Variants in RASGEF1A observed in about 807,000 individuals in gnomAD.
RASGEF1A encodes the protein RasGEF domain family member 1A, also known as ras-GEF domain-containing family member 1A.
A neutral mutation model predicts 56.4 loss-of-function variants in RASGEF1A; 18 were observed. The observed-to-expected ratio is 0.32, with a 90% confidence interval of 0.22 to 0.47. The LOEUF (loss-of-function observed/expected upper bound fraction) is 0.47, where lower values mean the gene tolerates loss of function less well. Among genes scored for constraint, RASGEF1A ranks in the 20% least tolerant of loss-of-function variants. The pLI, the probability that RASGEF1A is intolerant of heterozygous loss-of-function variation, is 1.00. For synonymous variants in RASGEF1A, 245 were observed against 242.6 expected (o/e 1.01, Z -0.09); for missense variants, 422 against 627.1 (o/e 0.67, Z 3.49).
chr10:43,227,178 G>C (rs569475104), intron 1 of RASGEF1A, among the ~76,000 whole-genome samples: 42 of 152,176 alleles, frequency 2.8e-4, no homozygotes, highest in Non-Finnish European at 4.4e-4. Context: ...CGAGGTCCAA[G>C]AGCCCAAAGG....
intron 1 of RASGEF1A, chr10:43,207,311 G>A: frequency 1.0e-6 from 1 of 985,458 alleles, no homozygotes; most frequent in Non-Finnish European, 1.2e-6. Flanking sequence ...TTACTTCAGT[G>A]CCATGACAGG....
At chr10:43,197,155 G>T in intron 10 of RASGEF1A, 56 bp from the exon 11 acceptor site, 1 of 1,591,210 alleles carries the variant, frequency 6.3e-7, no homozygotes, top group Non-Finnish European at 8.6e-7. Flanking sequence ...CCAAACCCTC[G>T]GTCAGGGCAG....
intron 2 of RASGEF1A, 89 bp downstream of exon 2, chr10:43,205,830 A>G: frequency 9.0e-7 from 1 of 1,106,928 alleles, no homozygotes; most frequent in Non-Finnish European, 1.3e-6. Context: ...CAGCTCTACC[A>G]CTCTGTGGGG....
intron 1 of RASGEF1A, among the ~76,000 whole-genome samples, chr10:43,211,518 C>A (rs531243206): frequency 6.6e-6 from 1 of 152,322 alleles, no homozygotes; most frequent in East Asian, 1.9e-4. Flanking sequence ...AGGCACAGGG[C>A]TCTCCCCAGG....
chr10:43,260,743 G>A (rs1836513579), intron 1 of RASGEF1A, among the ~76,000 whole-genome samples: 1 of 152,298 alleles, frequency 6.6e-6, no homozygotes, highest in South Asian at 2.1e-4. Context: ...CCAGACGTCA[G>A]CAGGCAGCAG....
rs566062941 is a variant in RASGEF1A at position 43,242,125 on chromosome 10, G to A, written c.-7+24720C>T. ...TGCACTCCAGCCTAGACGACAGAAC[G>A]AGACTCCATCTCAAAAAAATAAATA... On this transcript the variant is annotated intron_variant, in intron 1 of 12. Coordinates refer to ENST00000395810, the MANE Select transcript of RASGEF1A (RefSeq NM_145313.4). Among the ~76,000 whole-genome samples, 18 of 152,152 alleles carry A rather than the reference G, an allele frequency of 1.2e-4. No homozygotes were observed. In the East Asian group the frequency reaches 2.9e-3, roughly 24 times the overall value.
In RASGEF1A at chr10:43,203,358, C is replaced by T. The variant is rs1407477720; in HGVS notation, c.261G>A (p.Leu87=). Residue 87 remains leucine (L), a synonymous_variant, in exon 3 of 13, where the codon CTG becomes CTA. Transcript: ENST00000395810. ...SRVFMPPHDL[L]ARVGQICVEQ... Reference sequence around the variant, plus strand: ...CCACGCAGATCTGCCCCACGCGGGCCAGCAGGTCATGAGGGGGCATAAAGA... The same window carrying T: ...CCACGCAGATCTGCCCCACGCGGGCTAGCAGGTCATGAGGGGGCATAAAGA... 1 of 1,587,174 alleles carries T rather than the reference C, an allele frequency of 6.3e-7. No individual in the cohort carries two copies. The highest frequency in any genetic ancestry group is 8.6e-7 in the Non-Finnish European group (1 of 1,167,072).
chr10:43,255,748 G>A (rs936560210), intron 1 of RASGEF1A, among the ~76,000 whole-genome samples: 5 of 152,242 alleles, frequency 3.3e-5, no homozygotes, highest in Non-Finnish European at 7.3e-5. Flanking sequence ...CCAGGGCTGG[G>A]GGTGCTGGGG....
chr10:43,206,190 G>A (rs1409764579), intron 1 of RASGEF1A, 68 bp from the exon 2 acceptor site: 1 of 1,348,292 alleles, frequency 7.4e-7, no homozygotes, highest in African/African-American at 1.5e-5. Flanking sequence ...CCTCCTCCCA[G>A]GCAGCCTGCA....
At chr10:43,231,012 C>T (rs1007671093) in intron 1 of RASGEF1A, among the ~76,000 whole-genome samples, 5 of 152,230 alleles carry the variant, frequency 3.3e-5, no homozygotes, top group Non-Finnish European at 5.9e-5. Context: ...GGCCTGGAAC[C>T]GCTTCCCACT....
Position 43,199,045 on chromosome 10 carries a change from G to C in RASGEF1A, c.953-33C>G, listed in dbSNP as rs370813665. On this transcript the variant is annotated intron_variant, in intron 8 of 12. Coordinates refer to ENST00000395810, the MANE Select transcript of RASGEF1A (RefSeq NM_145313.4). ...GGACAGCAGGTAGGGTCAGGGCCGG[G>C]GGGGTGGGCCATGCAGCAGCCCCAC... 2.0e-5 allele frequency: 32 copies of C among 1,600,772 alleles called. No homozygotes were observed. In the African/African-American group the frequency reaches 2.4e-4, roughly 12 times the overall value.
intron 2 of RASGEF1A, 187 bp from the exon 3 acceptor site, chr10:43,203,607 C>T: frequency 8.1e-7 from 1 of 1,235,138 alleles, no homozygotes; most frequent in East Asian, 3.3e-5. Context: ...CCCGGCCCTG[C>T]CTACCTAGGA....
At position 43,210,314 on chromosome 10, in the gene RASGEF1A, TC is replaced by T. The variant is rs1168984423; in HGVS notation, c.-6-4193del. Among the ~76,000 whole-genome samples the T allele has an allele frequency of 2.7e-5, 3 of 110,670 alleles. No individual in the cohort carries two copies. The East Asian group carries it at 1.2e-3, about 45-fold the overall frequency. 72.6% of individuals were successfully genotyped at this position (110,670 alleles called of 152,430 possible). ...TAGAGACCCCTGTCTCTACTAACAT[TC>T]AAAAAAAAATTAGCCAGGTGTGGTG... is the stretch of plus-strand genomic sequence containing the variant. On this transcript the variant is annotated intron_variant, in intron 1 of 12. Coordinates refer to ENST00000395810, the MANE Select transcript of RASGEF1A (RefSeq NM_145313.4).
At chr10:43,265,008 G>T (rs1026238940) in intron 1 of RASGEF1A, among the ~76,000 whole-genome samples, 7 of 152,164 alleles carry the variant, frequency 4.6e-5, no homozygotes, top group African/African-American at 1.2e-4. Flanking sequence ...GTGCTCAGGG[G>T]CTCCTGGCCA....
At chr10:43,259,690 G>A (rs759161184) in intron 1 of RASGEF1A, among the ~76,000 whole-genome samples, 11 of 152,184 alleles carry the variant, frequency 7.2e-5, no homozygotes, top group Non-Finnish European at 1.5e-4. Context: ...AGATGAGAGG[G>A]CACAGAACAA....
In RASGEF1A at chr10:43,206,072, G is replaced by C; in HGVS notation, c.45C>G (p.Ser15Arg). The change falls in exon 2 of 13, where the codon AGC becomes AGG. Residue 15 changes from serine (S) to arginine (R), a missense_variant. Physicochemically the swap from Ser to Arg is moderately radical, Grantham distance 110. Around this residue, in one of 2 missense-constraint regions of RASGEF1A, gnomAD observed 273 missense variants for 339.9 expected, o/e 0.80. Coordinates refer to ENST00000395810, the MANE Select transcript of RASGEF1A (RefSeq NM_145313.4). ...SVVFSSILGP[S>R]CSGQVQPGMG... The stretch of plus-strand genomic sequence containing the variant: ...TGCCAGGCTGCACCTGTCCGCTACA[G>C]CTGGGCCCAAGGATGCTGGAGAAGA... 6.2e-7 allele frequency: 1 copy of C among 1,604,888 alleles called. No individual in the cohort carries two copies. The highest frequency in any genetic ancestry group is 8.5e-7 in the Non-Finnish European group (1 of 1,176,182).
At chr10:43,202,779 G>T in intron 3 of RASGEF1A, 1 of 458,642 alleles carries the variant, frequency 2.2e-6, no homozygotes. Context: ...CCCTAACCCG[G>T]ACCCAACCCA....
rs116023334 is a variant in RASGEF1A at position 43,210,369 on chromosome 10, G to A, written c.-6-4247C>T. ...CAGGCCTGTGGTTCCAGCTACTTGG[G>A]GAGCTGAGGCAGGAGGATCACTTGA... On this transcript the variant is annotated intron_variant, in intron 1 of 12. Coordinates refer to ENST00000395810, the MANE Select transcript of RASGEF1A (RefSeq NM_145313.4). 6.0e-3 allele frequency among the ~76,000 whole-genome samples: 910 copies of A among 152,296 alleles called. 10 individuals are homozygous for A. Among genetic ancestry groups the A allele is most frequent in the African/African-American group, 0.021 (858 of 41,546 alleles).
At chr10:43,253,067 T>G (rs1368051132) in intron 1 of RASGEF1A, among the ~76,000 whole-genome samples, 1 of 152,200 alleles carries the variant, frequency 6.6e-6, no homozygotes, top group Non-Finnish European at 1.5e-5. Flanking sequence ...ACAAAGGGGC[T>G]GTGCACACCC....
Sources: gnomAD v4.1 joint callset for allele counts (sites outside exome capture counted in the v4.1 genomes callset) on GRCh38, gnomAD v4.1.1 for gene constraint, gnomAD v4.1.1 regional missense constraint, MANE v1.5 for transcripts, NCBI Gene and HGNC (gene_info 2026-07-23, HGNC 2026-07-21) for gene names.